Variants in WDPCP observed in about 807,000 individuals in gnomAD.
The protein encoded by WDPCP is WD repeat-containing and planar cell polarity effector protein fritz homolog.
In WDPCP, 71 loss-of-function variants were observed where a neutral mutation model predicts 93.1. That is an observed-to-expected ratio of 0.76 (90% CI 0.63 to 0.93). WDPCP has a LOEUF of 0.93. WDPCP is among the 40% of genes least tolerant of loss of function. The pLI, the probability that WDPCP is intolerant of heterozygous loss-of-function variation, is 0.00. For missense variants in WDPCP, 844 were observed against 887.4 expected, an observed-to-expected ratio of 0.95 and a Z score of 0.62; for synonymous variants, 315 against 315.0, an observed-to-expected ratio of 1.00 and a Z score of 0.00.
chr2:63,276,952 G>C (rs1181156696), intron 13 of WDPCP, among the ~76,000 whole-genome samples: 1 of 152,110 alleles, frequency 6.6e-6, no homozygotes, highest in Non-Finnish European at 1.5e-5. Flanking sequence ...TAAGATGAAG[G>C]AAAGAATCTT....
chr2:63,762,051 T>C (rs977797541), intron 2 of WDPCP, among the ~76,000 whole-genome samples: 2 of 152,192 alleles, frequency 1.3e-5, no homozygotes, highest in Non-Finnish European at 2.9e-5. Flanking sequence ...CATTGCAAGA[T>C]TGCCATCTCT....
chr2:63,321,341 T>C (rs1369381613), intron 12 of WDPCP, among the ~76,000 whole-genome samples: 2 of 135,320 alleles, frequency 1.5e-5, no homozygotes, highest in East Asian at 4.6e-4. Context: ...TATATATATA[T>C]ACATTTTGAT....
At chr2:63,525,430 A>C (rs1461280802) in intron 1 of WDPCP, among the ~76,000 whole-genome samples, 1 of 152,194 alleles carries the variant, frequency 6.6e-6, no homozygotes, top group Non-Finnish European at 1.5e-5. Flanking sequence ...AAAAAGAATA[A>C]AAAGTCTCTT....
intron 1 of WDPCP, among the ~76,000 whole-genome samples, chr2:63,562,256 A>G (rs1339990860): frequency 6.6e-6 from 1 of 152,178 alleles, no homozygotes; most frequent in African/African-American, 2.4e-5. Flanking sequence ...ATCCTCAGCA[A>G]ACTAACACAG....
At chr2:63,714,442 T>G (rs1669306381) in intron 2 of WDPCP, among the ~76,000 whole-genome samples, 1 of 152,162 alleles carries the variant, frequency 6.6e-6, no homozygotes, top group Non-Finnish European at 1.5e-5. Context: ...TTCATTTCAT[T>G]AATGCTGTGG....
intron 15 of WDPCP, among the ~76,000 whole-genome samples, chr2:63,172,393 A>G (rs1188273235): frequency 1.3e-5 from 2 of 152,072 alleles, no homozygotes; most frequent in African/African-American, 4.8e-5. Flanking sequence ...CTGTAGTTGC[A>G]GTTGCTCGGG....
At chr2:63,787,816 G>T (rs1435197833) in intron 2 of WDPCP, among the ~76,000 whole-genome samples, 1 of 152,106 alleles carries the variant, frequency 6.6e-6, no homozygotes, top group Non-Finnish European at 1.5e-5. Context: ...GAGGCAGGCA[G>T]ATCACCTGAG....
chr2:63,484,642 A>G lies in WDPCP; in HGVS notation c.346T>C (p.Cys116Arg). 1 of 1,612,942 alleles carries G rather than the reference A, an allele frequency of 6.2e-7. No homozygotes were observed. The highest frequency in any genetic ancestry group is 8.5e-7 in the Non-Finnish European group (1 of 1,179,254). ...TTGTTCTTCCATTTGCTCAGCACAC[A>G]CCGACTGTTTTGCATCAGCTCCTGA... is the stretch of plus-strand genomic sequence containing the variant. ...ELEELMQNSRCVLSKWKNKYV... is the reference protein window; with the variant it reads ...ELEELMQNSRRVLSKWKNKYV... The change falls in exon 6 of 18, where the codon TGT (cysteine) becomes CGT (arginine). Residue 116 changes from cysteine to arginine, a missense_variant. Cys to Arg is a radical substitution (Grantham distance 180). Transcript: ENST00000272321.
chr2:63,440,470 C>T (rs1011608229), intron 6 of WDPCP: 9 of 152,162 alleles, frequency 5.9e-5, no homozygotes, highest in African/African-American at 2.2e-4. Context: ...GAAACAATTT[C>T]ACAAGGAGAA....
At chr2:63,123,648 C>T (rs1052514047) in intron 17 of WDPCP, among the ~76,000 whole-genome samples, 23 of 151,956 alleles carry the variant, frequency 1.5e-4, no homozygotes, top group East Asian at 5.8e-4. Context: ...GTACCTTAGA[C>T]GGATATTTTG....
At chr2:63,801,857 G>A (rs10211030) in intron 2 of WDPCP, among the ~76,000 whole-genome samples, 219 of 152,306 alleles carry the variant, frequency 1.4e-3, no homozygotes, top group African/African-American at 4.8e-3. Context: ...AAGAGAAGGA[G>A]CAAGGAGGAA....
rs557061313 is a variant in WDPCP at position 63,563,735 on chromosome 2, A to G, written c.75+24462T>C. Among the ~76,000 whole-genome samples, 9 of 152,290 alleles carry G rather than the reference A, an allele frequency of 5.9e-5. No individual in the cohort carries two copies. In the South Asian group the frequency reaches 1.7e-3, roughly 28 times the overall value. On this transcript the variant is annotated intron_variant, in intron 1 of 17. Coordinates refer to ENST00000272321, the MANE Select transcript of WDPCP (RefSeq NM_015910.7). The stretch of plus-strand genomic sequence containing the variant: ...TAGTGCAAAAGGACTGTGGCCTTAA[A>G]AAAGAGAAAGAAAACACACTCCCTG...
intron 6 of WDPCP, among the ~76,000 whole-genome samples, chr2:63,457,522 T>C (rs182098319): frequency 1.4e-4 from 21 of 152,222 alleles, no homozygotes; most frequent in African/African-American, 4.3e-4. Flanking sequence ...TGCAGGCCAA[T>C]ATCCCTAAAT....
intron 1 of WDPCP, among the ~76,000 whole-genome samples, chr2:63,510,971 G>A (rs372021916): frequency 9.2e-5 from 14 of 152,134 alleles, no homozygotes; most frequent in East Asian, 3.9e-4. Flanking sequence ...GCAAGACACC[G>A]TCTCAAAAAA....
chr2:63,148,651 A>G (rs78316707), intron 17 of WDPCP, among the ~76,000 whole-genome samples: 1 of 146,290 alleles, frequency 6.8e-6, no homozygotes, highest in African/African-American at 2.5e-5. Flanking sequence ...CCTGGCTGAG[A>G]AAAAAAAAAA....
intron 1 of WDPCP, among the ~76,000 whole-genome samples, chr2:63,498,514 A>G (rs747561639): frequency 1.3e-5 from 2 of 152,224 alleles, no homozygotes; most frequent in African/African-American, 2.4e-5. Flanking sequence ...ATTTGTCTTA[A>G]GAATAATTTT....
chr2:63,833,803 A>T, the WDPCP span, among the ~76,000 whole-genome samples: 2 of 152,244 alleles, frequency 1.3e-5, no homozygotes, highest in African/African-American at 4.8e-5. Context: ...TTTAGATGAG[A>T]ATGACTAAAT....
At chr2:63,268,003 A>C (rs2104834205) in intron 13 of WDPCP, among the ~76,000 whole-genome samples, 1 of 152,328 alleles carries the variant, frequency 6.6e-6, no homozygotes, top group East Asian at 1.9e-4. Flanking sequence ...TTGATATGTC[A>C]AGCAGATGTT....
chr2:63,751,510 A>C (rs1010268514), intron 2 of WDPCP, among the ~76,000 whole-genome samples: 2 of 152,178 alleles, frequency 1.3e-5, no homozygotes, highest in East Asian at 3.8e-4. Context: ...AGTCACAAAT[A>C]CAGTCCTCAA....
Sources: allele counts gnomAD v4.1 joint callset (sites outside exome capture counted in the v4.1 genomes callset), GRCh38; gene constraint gnomAD v4.1.1; transcripts MANE v1.5; gene names NCBI Gene and HGNC (gene_info 2026-07-23, HGNC 2026-07-21).